IKZF4: variants seen among roughly 807,000 people sequenced by gnomAD.
IKZF4 encodes the protein zinc finger protein Eos.
A neutral mutation model predicts 47.7 loss-of-function variants in IKZF4; 11 were observed. That is an observed-to-expected ratio of 0.23 (90% CI 0.15 to 0.38). IKZF4 has a LOEUF of 0.38. Ranked by LOEUF, IKZF4 falls within the 10% of genes least tolerant of loss-of-function variation. The pLI, the probability that IKZF4 is intolerant of heterozygous loss-of-function variation, is 1.00. For missense variants in IKZF4, 557 were observed against 784.9 expected, an observed-to-expected ratio of 0.71 and a Z score of 3.47; for synonymous variants, 298 against 299.4, an observed-to-expected ratio of 1.00 and a Z score of 0.05.
intron 7 of IKZF4, 52 bp from the exon 8 acceptor site, chr12:56,034,519 A>T: frequency 2.0e-6 from 3 of 1,512,196 alleles, no homozygotes; most frequent in Non-Finnish European, 2.7e-6. Context: ...AATCCTGAGG[A>T]GAGTGTAGGA....
intron 5 of IKZF4, among the ~76,000 whole-genome samples, chr12:56,030,584 C>T (rs995963740): frequency 5.3e-5 from 8 of 152,124 alleles, no homozygotes; most frequent in Non-Finnish European, 1.2e-4. Flanking sequence ...ACAAAATTAG[C>T]CAGGCGTGGT....
chr12:56,034,310 T>C (rs964463754), intron 7 of IKZF4, among the ~76,000 whole-genome samples: 2 of 152,170 alleles, frequency 1.3e-5, no homozygotes, highest in African/African-American at 4.8e-5. Context: ...GCACTAGTCA[T>C]GAGCTCTCTA....
intron 1 of IKZF4, chr12:56,007,754 T>G (rs1890872587): frequency 2.4e-5 from 3 of 127,266 alleles, no homozygotes; most frequent in East Asian, 2.5e-4. Context: ...GGGCGGGGCT[T>G]GGTGGGGGTA....
chr12:56,011,309 T>C (rs1203360763), intron 1 of IKZF4: 1 of 152,180 alleles, frequency 6.6e-6, no homozygotes, highest in Non-Finnish European at 1.5e-5. Flanking sequence ...TTTAAAGTGT[T>C]TAGTTTGGCC....
chr12:56,028,082 G>A (rs906524098), intron 5 of IKZF4, 135 bp downstream of exon 5: 15 of 995,212 alleles, frequency 1.5e-5, no homozygotes, highest in African/African-American at 6.8e-5. Context: ...GAGCAGATAG[G>A]GCCCCCTGCC....
At position 56,030,255 on chromosome 12, in the gene IKZF4, C is replaced by CA. The variant is rs780575947; in HGVS notation, c.716-2301dup. ...ACATAGTGAGACTTCGTCTCTACTA[C>CA]AAAAACAAAAACAAAAACAAAAACA... On this transcript the variant is annotated intron_variant, in intron 5 of 7. Coordinates refer to ENST00000547167, the MANE Select transcript of IKZF4 (RefSeq NM_022465.4). Among the ~76,000 whole-genome samples, 971 of 138,544 alleles carry CA rather than the reference C, an allele frequency of 7.0e-3. 6 individuals carry two copies. The highest frequency in any genetic ancestry group is 0.015 in the African/African-American group (547 of 37,616). The allele number at this position is 138,544 out of a possible 152,430, so 90.9% of individuals were successfully genotyped here.
Position 56,025,177 on chromosome 12 carries a change from C to T in IKZF4, c.286+19C>T, listed in dbSNP as rs1893751946. 2.0e-6 allele frequency: 3 copies of T among 1,526,026 alleles called. No individual in the cohort carries two copies. The highest frequency in any genetic ancestry group is 2.4e-5 in the East Asian group (1 of 42,178). 94.5% of individuals were successfully genotyped at this position (1,526,026 alleles called of 1,614,324 possible). A position where few individuals can be genotyped will look rare whatever the true frequency, so the allele number is the denominator to read the frequency against. ...CTCAGTGGTAAGTGTAACCTCCTAC[C>T]ACCTCCTGGCAGTAGGCACCCCCTG... On this transcript the variant is annotated intron_variant, in intron 3 of 7. Coordinates refer to ENST00000547167, the MANE Select transcript of IKZF4 (RefSeq NM_022465.4).
chr12:56,023,234 T>C (rs1893375541), intron 1 of IKZF4, among the ~76,000 whole-genome samples: 1 of 152,206 alleles, frequency 6.6e-6, no homozygotes, highest in African/African-American at 2.4e-5. Flanking sequence ...CCTTTTAGGG[T>C]CAAGGCCTCA....
At chr12:56,023,161 T>C (rs1343105193) in intron 1 of IKZF4, among the ~76,000 whole-genome samples, 1 of 152,194 alleles carries the variant, frequency 6.6e-6, no homozygotes, top group Admixed American at 6.5e-5. Context: ...GTCGCTGGCC[T>C]CAAGAGGCAG....
At chr12:56,026,689 CAA>C (rs531342295) in intron 3 of IKZF4, 90 bp from the exon 4 acceptor site, 41,899 of 892,740 alleles carry the variant, frequency 0.047, no homozygotes, top group South Asian at 0.059. Context: ...AATTCCATCT[CAA>C]AAAAAAAAAA....
In IKZF4 at chr12:56,036,352, C is replaced by T. The variant is rs1198403271; in HGVS notation, c.*1021C>T. On this transcript the variant is annotated 3_prime_UTR_variant, in exon 8 of 8. Coordinates refer to ENST00000547167, the MANE Select transcript of IKZF4 (RefSeq NM_022465.4). Reference sequence around the variant, plus strand: ...CAAACTTCTTCACTATAGTGACCTTCCTAGGCTCTCAGGGGCTCCTTCAGT... The same window carrying T: ...CAAACTTCTTCACTATAGTGACCTTTCTAGGCTCTCAGGGGCTCCTTCAGT... The T allele has an allele frequency of 1.3e-5, 2 of 152,502 alleles. No homozygotes were observed. Among genetic ancestry groups the T allele is most frequent in the African/African-American group, 2.4e-5 (1 of 41,426 alleles). 9.4% of individuals were successfully genotyped at this position (152,502 alleles called of 1,614,324 possible).
rs1169016110 is a variant in IKZF4 at position 56,032,645 on chromosome 12, A to G, written c.800A>G (p.Lys267Arg). Reference sequence around the variant, plus strand: ...CAGCAGAGTACCCTGGAGGAGCACAAGGAGCGGTGCCATAACTACCTACAG... The same window carrying G: ...CAGCAGAGTACCCTGGAGGAGCACAGGGAGCGGTGCCATAACTACCTACAG... ...YKQQSTLEEHKERCHNYLQSL... is the reference protein window; with the variant it reads ...YKQQSTLEEHRERCHNYLQSL... The change falls in exon 6 of 8, where the codon AAG becomes AGG. Residue 267 changes from lysine to arginine, a missense_variant. Physicochemically the swap from Lys to Arg is conservative, Grantham distance 26 (BLOSUM62 2). Coordinates refer to ENST00000547167, the MANE Select transcript of IKZF4 (RefSeq NM_022465.4). 1 of 1,614,042 alleles carries G rather than the reference A, an allele frequency of 6.2e-7. No homozygotes were observed. Among genetic ancestry groups the G allele is most frequent in the Non-Finnish European group, 8.5e-7 (1 of 1,179,882 alleles).
At chr12:56,007,983 A>T (rs546707530) in intron 1 of IKZF4, among the ~76,000 whole-genome samples, 150 of 152,272 alleles carry the variant, frequency 9.9e-4, no homozygotes, top group Admixed American at 2.7e-3. Flanking sequence ...CGGGAGACAG[A>T]TCAAGGCAAG....
In IKZF4 at chr12:56,034,934, A is replaced by G; in HGVS notation, c.1361A>G (p.Gln454Arg). ...DPGASPSNGC[Q>R]DSTDTESNHE... ...GGGGCATCCCCCAGCAATGGCTGCCAGGACTCCACAGACACAGAAAGCAAC... is the reference window on the plus strand; with the variant it reads ...GGGGCATCCCCCAGCAATGGCTGCCGGGACTCCACAGACACAGAAAGCAAC... The change falls in exon 8 of 8, where the codon CAG (glutamine) becomes CGG (arginine). Residue 454 changes from glutamine (Q) to arginine (R), a missense_variant. Physicochemically the swap from Gln to Arg is conservative, Grantham distance 43. Transcript: ENST00000547167. 1 of 1,588,798 alleles carries G rather than the reference A, an allele frequency of 6.3e-7. No homozygotes were observed. The highest frequency in any genetic ancestry group is 8.6e-7 in the Non-Finnish European group (1 of 1,165,028).
intron 1 of IKZF4, among the ~76,000 whole-genome samples, chr12:56,008,268 G>T (rs998530291): frequency 1.3e-5 from 2 of 152,122 alleles, no homozygotes; most frequent in Non-Finnish European, 2.9e-5. Flanking sequence ...AGTGTAGGGT[G>T]AGAGGTGTAG....
At chr12:56,018,074 T>G (rs2136594269), upstream of IKZF4, 1 of 1,165,954 alleles carries the variant, frequency 8.6e-7, no homozygotes, top group African/African-American at 1.6e-5. Flanking sequence ...AAGAAAAGCC[T>G]CCTCCCTTCC....
At chr12:56,016,648 G>A (rs1418841507), upstream of IKZF4, among the ~76,000 whole-genome samples, 3 of 151,948 alleles carry the variant, frequency 2.0e-5, no homozygotes, top group African/African-American at 4.8e-5. Flanking sequence ...CCAGGCTGGA[G>A]TGCAACGGCG....
intron 5 of IKZF4, among the ~76,000 whole-genome samples, chr12:56,029,112 A>G (rs142890593): frequency 6.6e-6 from 1 of 152,238 alleles, no homozygotes; most frequent in East Asian, 1.9e-4. Context: ...CTCAAATTGC[A>G]AAAAAGGGAG....
Position 56,034,883 on chromosome 12 carries a change from G to A in IKZF4, c.1310G>A (p.Arg437Gln), listed in dbSNP as rs373646996. 88 of 1,606,994 alleles carry A rather than the reference G, an allele frequency of 5.5e-5. No individual in the cohort carries two copies. Among genetic ancestry groups the A allele is most frequent in the East Asian group, 4.5e-5 (2 of 44,578 alleles). The change falls in exon 8 of 8, where the codon CGG becomes CAG. Residue 437 changes from arginine to glutamine, a missense_variant. Physicochemically the swap from Arg to Gln is conservative, Grantham distance 43. This residue lies in a region of IKZF4 where 280 missense variants were observed against 314.0 expected (regional missense o/e 0.89). Transcript: ENST00000547167. The stretch of plus-strand genomic sequence containing the variant: ...GCTGATGGAGGTCCCCTCCTCTACC[G>A]GCCCCGAGGCCCCCTGACTGACCCT... Reference protein sequence around the residue: ...DLADGGPLLYRPRGPLTDPGA... With the variant: ...DLADGGPLLYQPRGPLTDPGA...
Sources: gnomAD v4.1 joint callset for allele counts (sites outside exome capture counted in the v4.1 genomes callset) on GRCh38, gnomAD v4.1.1 for gene constraint, gnomAD v4.1.1 regional missense constraint, MANE v1.5 for transcripts, NCBI Gene and HGNC (gene_info 2026-07-23, HGNC 2026-07-21) for gene names.